The following TREX1 variants were observed in gnomAD, a reference collection of about 807,000 sequenced individuals.
TREX1 encodes the protein three prime repair exonuclease 1, also known as three-prime repair exonuclease 1.
Under a neutral mutation model 13.7 loss-of-function variants are expected in TREX1, and 11 were observed. That is an observed-to-expected ratio of 0.80 (90% CI 0.51 to 1.33). TREX1 has a LOEUF of 1.33. Among genes scored for constraint, TREX1 ranks in the 40% most tolerant of loss-of-function variants. TREX1 has a pLI of 0.00. For missense variants in TREX1, 409 were observed against 404.4 expected (o/e 1.01, Z -0.10); for synonymous variants, 178 against 178.8 (o/e 1.00, Z 0.03).
rs1575290727 is a variant in TREX1 at position 48,466,281 on chromosome 3, C to G, written c.-55C>G. 7.6e-6 allele frequency: 5 copies of G among 660,442 alleles called. No homozygotes were observed. In the East Asian group the frequency reaches 1.4e-4, roughly 18 times the overall value. 40.9% of individuals were successfully genotyped at this position (660,442 alleles called of 1,614,324 possible). Reference sequence around the variant, plus strand: ...GCCGCGGGAGAGTGTGCAGCCGAGTCACTACTGCCTGCCTGCCTGCCTGCT... The same window carrying G: ...GCCGCGGGAGAGTGTGCAGCCGAGTGACTACTGCCTGCCTGCCTGCCTGCT... On this transcript the variant is annotated 5_prime_UTR_variant, in exon 1 of 2. Transcript: ENST00000625293.
rs547752029 is a variant in TREX1 at position 48,466,840 on chromosome 3, G to C, written c.185G>C (p.Arg62Pro). Residue 62 changes from arginine to proline, a missense_variant, in exon 2 of 2, where the codon CGT (arginine) becomes CCT (proline). Transcript: ENST00000625293. ...GPPPTVPPPP[R>P]VVDKLSLCVA... ...CCTCCCACAGTTCCTCCACCACCGCGTGTGGTAGACAAGCTCTCCCTGTGT... is the reference window on the plus strand; with the variant it reads ...CCTCCCACAGTTCCTCCACCACCGCCTGTGGTAGACAAGCTCTCCCTGTGT... The C allele has an allele frequency of 1.2e-6, 2 of 1,613,848 alleles. No homozygotes were observed. Among genetic ancestry groups the C allele is most frequent in the Non-Finnish European group, 1.7e-6 (2 of 1,180,040 alleles).
At position 48,466,772 on chromosome 3, in the gene TREX1, C is replaced by G. The variant is rs2040327217; in HGVS notation, c.117C>G (p.Val39=). The change falls in exon 2 of 2, where the codon GTC becomes GTG. Residue 39 remains valine (V), a synonymous_variant. Coordinates refer to ENST00000625293, the MANE Select transcript of TREX1 (RefSeq NM_033629.6). The part of the protein sequence containing the change: ...PKVTELCLLA[V]HRCALESPPT... ...TCACGGAGCTGTGCCTGCTGGCTGTCCACAGATGTGCCCTGGAGAGCCCCC... is the reference window on the plus strand; with the variant it reads ...TCACGGAGCTGTGCCTGCTGGCTGTGCACAGATGTGCCCTGGAGAGCCCCC... 1.2e-6 allele frequency: 2 copies of G among 1,613,830 alleles called. No homozygotes were observed. Among genetic ancestry groups the G allele is most frequent in the Non-Finnish European group, 1.7e-6 (2 of 1,180,032 alleles).
rs541251539 is a variant in TREX1 at position 48,467,621 on chromosome 3, G to A, written c.*21G>A. ...AGTAGGCCAAGAAGGAAAATCTGAC[G>A]AATAAAGACCCCCGCTGCCCCATAG... On this transcript the variant is annotated 3_prime_UTR_variant, in exon 2 of 2. Transcript: ENST00000625293. 4.6e-5 allele frequency: 74 copies of A among 1,605,376 alleles called. No individual in the cohort carries two copies. In the East Asian group the frequency reaches 9.2e-4, roughly 20 times the overall value.
intron 1 of TREX1, 114 bp downstream of exon 1, chr3:48,466,423 C>T: frequency 6.2e-7 from 1 of 1,609,300 alleles, no homozygotes; most frequent in Non-Finnish European, 8.5e-7. Context: ...GGGAGACCCT[C>T]TCAGACAGTC....
rs980849286 is a variant in TREX1, at chr3:48,467,619, A to G, written c.*19A>G. On this transcript the variant is annotated 3_prime_UTR_variant, in exon 2 of 2. Transcript: ENST00000625293. Reference sequence around the variant, plus strand: ...GGAGTAGGCCAAGAAGGAAAATCTGACGAATAAAGACCCCCGCTGCCCCAT... The same window carrying G: ...GGAGTAGGCCAAGAAGGAAAATCTGGCGAATAAAGACCCCCGCTGCCCCAT... 15 of 1,605,348 alleles carry G rather than the reference A, an allele frequency of 9.3e-6. No individual in the cohort carries two copies. The highest frequency in any genetic ancestry group is 1.3e-5 in the African/African-American group (1 of 74,638).
rs1385980659 is a variant in TREX1 at position 48,467,630 on chromosome 3, C to A, written c.*30C>A. 6.3e-7 allele frequency: 1 copy of A among 1,597,974 alleles called. No homozygotes were observed. Among genetic ancestry groups the A allele is most frequent in the Non-Finnish European group, 8.5e-7 (1 of 1,171,990 alleles). On this transcript the variant is annotated 3_prime_UTR_variant, in exon 2 of 2. Transcript: ENST00000625293. Reference sequence around the variant, plus strand: ...AGAAGGAAAATCTGACGAATAAAGACCCCCGCTGCCCCATAGCACTGAGTG... The same window carrying A: ...AGAAGGAAAATCTGACGAATAAAGAACCCCGCTGCCCCATAGCACTGAGTG...
At position 48,466,463 on chromosome 3, in the gene TREX1, CT is replaced by C. The variant is rs758745051; in HGVS notation, c.-27+155del. 41 of 1,613,784 alleles carry C rather than the reference CT, an allele frequency of 2.5e-5. No individual in the cohort carries two copies. The South Asian group carries it at 4.3e-4, about 17-fold the overall frequency. On this transcript the variant is annotated intron_variant, in intron 1 of 1. Coordinates refer to ENST00000625293, the MANE Select transcript of TREX1 (RefSeq NM_033629.6). ...GTGCTGGTCCCACTAAGGAAACCAC[CT>C]CACCCTCTCCAACTTCCTGCCTGAA... is the stretch of plus-strand genomic sequence containing the variant.
chr3:48,466,588 T>TAAC, intron 1 of TREX1, 42 bp from the exon 2 acceptor site: 1 of 1,613,938 alleles, frequency 6.2e-7, no homozygotes, highest in Non-Finnish European at 8.5e-7. Flanking sequence ...CTTCGGATCT[T>TAAC]AACACTGGGC....
At chr3:48,465,908 C>G (rs2040274013), upstream of TREX1, 1 of 298,384 alleles carries the variant, frequency 3.4e-6, no homozygotes, top group African/African-American at 2.2e-5. Flanking sequence ...CAGGCCTAAA[C>G]CAGGAAAGCC....
rs760631765 is a variant in TREX1, at chr3:48,467,629, A to AC, written c.*34dup. ...AAGAAGGAAAATCTGACGAATAAAG[A>AC]CCCCCGCTGCCCCATAGCACTGAGT... On this transcript the variant is annotated 3_prime_UTR_variant, in exon 2 of 2. Coordinates refer to ENST00000625293, the MANE Select transcript of TREX1 (RefSeq NM_033629.6). The AC allele has an allele frequency of 3.8e-6, 6 of 1,598,202 alleles. No homozygotes were observed. The highest frequency in any genetic ancestry group is 3.4e-5 in the South Asian group (3 of 88,666).
rs768962835 is a variant in TREX1, at chr3:48,466,833, C to T, written c.178C>T (p.Pro60Ser). 6.2e-7 allele frequency: 1 copy of T among 1,614,028 alleles called. No individual in the cohort carries two copies. Among genetic ancestry groups the T allele is most frequent in the Admixed American group, 1.7e-5 (1 of 60,034 alleles). ...GGGGCCACCTCCCACAGTTCCTCCA[C>T]CACCGCGTGTGGTAGACAAGCTCTC... ...SQGPPPTVPPPPRVVDKLSLC... is the reference protein window; with the variant it reads ...SQGPPPTVPPSPRVVDKLSLC... The change falls in exon 2 of 2, where the codon CCA (proline) becomes TCA (serine). Residue 60 changes from proline (P) to serine (S), a missense_variant. Pro to Ser is a moderately conservative substitution (Grantham distance 74, BLOSUM62 -1). Transcript: ENST00000625293.
At position 48,467,394 on chromosome 3, in the gene TREX1, G is replaced by C. The variant is rs112741962; in HGVS notation, c.739G>C (p.Ala247Pro). 1.3e-4 allele frequency: 204 copies of C among 1,614,204 alleles called. No individual in the cohort carries two copies. The African/African-American group carries it at 2.1e-3, about 16-fold the overall frequency. Residue 247 changes from alanine (A) to proline (P), a missense_variant, in exon 2 of 2, where the codon GCT becomes CCT. Physicochemically the swap from Ala to Pro is conservative, Grantham distance 27 (BLOSUM62 -1). Coordinates refer to ENST00000625293, the MANE Select transcript of TREX1 (RefSeq NM_033629.6). The stretch of plus-strand genomic sequence containing the variant: ...TGCTAGGACCAAGCCAAGACCATCT[G>C]CTGTCACAACCACTGCACACCTGGC... ...ASARTKPRPS[A>P]VTTTAHLATT...
rs770591303 is a variant in TREX1, at chr3:48,467,366, C to T, written c.711C>T (p.Ala237=). 1.9e-6 allele frequency: 3 copies of T among 1,614,190 alleles called. No homozygotes were observed. The highest frequency in any genetic ancestry group is 2.5e-6 in the Non-Finnish European group (3 of 1,180,042). ...TCAGGCCCATGTATGGGGTCACAGC[C>T]TCTGCTAGGACCAAGCCAAGACCAT... The part of the protein sequence containing the change: ...GTIRPMYGVT[A]SARTKPRPSA... The change falls in exon 2 of 2, where the codon GCC becomes GCT. Residue 237 remains alanine, a synonymous_variant. Transcript: ENST00000625293.
chr3:48,467,225 C>T lies in TREX1; in HGVS notation c.570C>T (p.Ser190=). 1 of 1,614,078 alleles carries T rather than the reference C, an allele frequency of 6.2e-7. No homozygotes were observed. The highest frequency in any genetic ancestry group is 8.5e-7 in the Non-Finnish European group (1 of 1,180,026). ...GSIYTRLYGQ[S]PPDSHTAEGD... is the part of the protein sequence containing the mutation. ...TCTACACTCGCCTGTATGGGCAGTC[C>T]CCTCCAGACTCGCACACGGCTGAGG... is the stretch of plus-strand genomic sequence containing the variant. The change falls in exon 2 of 2, where the codon TCC becomes TCT. Residue 190 remains serine (S), a synonymous_variant. Transcript: ENST00000625293.
upstream of TREX1, chr3:48,466,175 C>T (rs142712193): frequency 4.7e-5 from 24 of 506,340 alleles, no homozygotes; most frequent in Middle Eastern, 5.5e-4. Context: ...GGCAGGCTGA[C>T]GAGCAGGGCG....
At position 48,467,080 on chromosome 3, in the gene TREX1, G is replaced by GCCT. The variant is rs2107259142; in HGVS notation, c.427_429dup (p.Leu143dup). The GCCT allele has an allele frequency of 6.2e-7, 1 of 1,613,958 alleles. No homozygotes were observed. Among genetic ancestry groups the GCCT allele is most frequent in the Non-Finnish European group, 8.5e-7 (1 of 1,180,024 alleles). Reference sequence around the variant, plus strand: ...CTCCAAGCAGAGCTGGCTATGCTGGGCCTCACCAGTGCTCTGGATGGTGCC... The same window carrying GCCT: ...CTCCAAGCAGAGCTGGCTATGCTGGGCCTCCTCACCAGTGCTCTGGATGGTGCC... On this transcript the variant is annotated inframe_insertion, in exon 2 of 2. Transcript: ENST00000625293.
At position 48,467,084 on chromosome 3, in the gene TREX1, C is replaced by T. The variant is rs1300401892; in HGVS notation, c.429C>T (p.Leu143=). 9.3e-6 allele frequency: 15 copies of T among 1,613,882 alleles called. No individual in the cohort carries two copies. Among genetic ancestry groups the T allele is most frequent in the Middle Eastern group, 3.3e-4 (2 of 6,084 alleles). ...AAGCAGAGCTGGCTATGCTGGGCCT[C>T]ACCAGTGCTCTGGATGGTGCCTTCT... The part of the protein sequence containing the change: ...LLQAELAMLG[L]TSALDGAFCV... Residue 143 remains leucine, a synonymous_variant, in exon 2 of 2, where the codon CTC becomes CTT. Transcript: ENST00000625293.
At position 48,466,573 on chromosome 3, in the gene TREX1, C is replaced by T. The variant is rs771916103; in HGVS notation, c.-26-57C>T. The T allele has an allele frequency of 3.1e-6, 5 of 1,613,910 alleles. No homozygotes were observed. The highest frequency in any genetic ancestry group is 3.3e-5 in the Admixed American group (2 of 59,998). ...TTCTGCCCACCCCCTACCCCACTCC[C>T]TCCCCTTCGGATCTTAACACTGGGC... On this transcript the variant is annotated intron_variant, in intron 1 of 1. Coordinates refer to ENST00000625293, the MANE Select transcript of TREX1 (RefSeq NM_033629.6).
At chr3:48,466,037 G>GTA, upstream of TREX1, 1 of 325,144 alleles carries the variant, frequency 3.1e-6, no homozygotes, top group Non-Finnish European at 6.0e-6. Context: ...CCTGTCACTG[G>GTA]TATGATGGCC....
Sources: allele counts gnomAD v4.1 joint callset, GRCh38; gene constraint gnomAD v4.1.1; transcripts MANE v1.5; gene names NCBI Gene and HGNC (gene_info 2026-07-23, HGNC 2026-07-21).